Variants in DCC observed in about 807,000 individuals in gnomAD.
DCC encodes netrin receptor DCC.
A neutral mutation model predicts 172.5 loss-of-function variants in DCC; 58 were observed. The observed-to-expected ratio is 0.34, with a 90% CI of 0.27 to 0.42. DCC has a LOEUF of 0.42. DCC is among the 10% of genes least tolerant of loss of function. The pLI, the probability that DCC is intolerant of heterozygous loss-of-function variation, is 1.00. For missense variants in DCC, 1,740 were observed against 1,791.0 expected (o/e 0.97, Z 0.51); for synonymous variants, 709 against 644.5 (o/e 1.10, Z -1.52).
intron 2 of DCC, among the ~76,000 whole-genome samples, chr18:52,885,042 C>A (rs1181580557): frequency 3.9e-5 from 6 of 152,118 alleles, no homozygotes; most frequent in Non-Finnish European, 8.8e-5. Flanking sequence ...TCACCTGGAA[C>A]TGGGGTTGGG....
At chr18:53,215,358 G>GAA (rs142466329) in intron 11 of DCC, among the ~76,000 whole-genome samples, 190 bp from the exon 12 acceptor site, 23 of 148,658 alleles carry the variant, frequency 1.5e-4, no homozygotes, top group African/African-American at 2.7e-4. Flanking sequence ...AGCGAAATGA[G>GAA]AAAAAAAAAA....
intron 1 of DCC, among the ~76,000 whole-genome samples, chr18:52,370,630 T>C (rs1352543070): frequency 2.0e-5 from 3 of 152,110 alleles, no homozygotes; most frequent in Non-Finnish European, 4.4e-5. Flanking sequence ...ACCTAGATGA[T>C]GGGTTGATCT....
intron 12 of DCC, among the ~76,000 whole-genome samples, chr18:53,270,761 A>C (rs1447815614): frequency 1.3e-5 from 2 of 152,146 alleles, no homozygotes; most frequent in African/African-American, 4.8e-5. Context: ...TTAACTCTGC[A>C]GATTTATCCA....
At chr18:53,158,166 ATACT>A (rs2054776577) in intron 8 of DCC, among the ~76,000 whole-genome samples, 2 of 152,304 alleles carry the variant, frequency 1.3e-5, no homozygotes, top group East Asian at 3.9e-4. Context: ...TAAAAAAATA[ATACT>A]TACCTTGCAA....
chr18:52,377,845 T>C (rs1049443529), intron 1 of DCC, among the ~76,000 whole-genome samples: 4 of 151,900 alleles, frequency 2.6e-5, no homozygotes, highest in Non-Finnish European at 5.9e-5. Context: ...TTGCTGGGAT[T>C]ACATGCATGC....
chr18:52,733,538 G>A (rs1489346765), intron 1 of DCC, among the ~76,000 whole-genome samples: 2 of 151,908 alleles, frequency 1.3e-5, no homozygotes, highest in South Asian at 2.1e-4. Flanking sequence ...TCTGTTGCCC[G>A]AGCTGGAGTG....
chr18:53,163,148 C>A (rs2054868188), intron 8 of DCC, among the ~76,000 whole-genome samples: 1 of 152,168 alleles, frequency 6.6e-6, no homozygotes, highest in African/African-American at 2.4e-5. Context: ...ATGATTAAGA[C>A]TAGTTCTTAT....
chr18:52,774,097 G>A (rs919251158), intron 2 of DCC, among the ~76,000 whole-genome samples: 13 of 152,350 alleles, frequency 8.5e-5, no homozygotes, highest in South Asian at 2.1e-4. Context: ...AAACTGTGGC[G>A]TGGAGCCATG....
intron 2 of DCC, among the ~76,000 whole-genome samples, chr18:52,846,279 T>C (rs930662080): frequency 6.6e-6 from 1 of 152,032 alleles, no homozygotes; most frequent in African/African-American, 2.4e-5. Context: ...TGGTGGCACA[T>C]GCCTGTAATC....
At chr18:52,569,418 T>G (rs1732886594) in intron 1 of DCC, among the ~76,000 whole-genome samples, 1 of 152,206 alleles carries the variant, frequency 6.6e-6, no homozygotes, top group African/African-American at 2.4e-5. Context: ...ACATCTAAAG[T>G]GCTCAATAAA....
At chr18:53,181,330 T>TC in intron 9 of DCC, among the ~76,000 whole-genome samples, 1 of 151,926 alleles carries the variant, frequency 6.6e-6, no homozygotes, top group East Asian at 1.9e-4. Context: ...AGAATGAGCA[T>TC]TTTTTTTCCC....
intron 5 of DCC, among the ~76,000 whole-genome samples, chr18:52,985,286 A>G (rs2041274873): frequency 6.6e-6 from 1 of 152,036 alleles, no homozygotes; most frequent in South Asian, 2.1e-4. Context: ...ATTTGAAAAA[A>G]TGTTTGAGTC....
chr18:52,547,946 G>T (rs1171472003), intron 1 of DCC, among the ~76,000 whole-genome samples: 2 of 152,116 alleles, frequency 1.3e-5, no homozygotes, highest in Non-Finnish European at 2.9e-5. Context: ...TCATGGCTAT[G>T]TTCCAATAAA....
At chr18:52,549,331 T>G (rs1252474541) in intron 1 of DCC, among the ~76,000 whole-genome samples, 1 of 152,042 alleles carries the variant, frequency 6.6e-6, no homozygotes, top group Non-Finnish European at 1.5e-5. Context: ...CTAAATATTT[T>G]TCTCCCCTCT....
chr18:52,862,624 G>A (rs946749939), intron 2 of DCC, among the ~76,000 whole-genome samples: 81 of 152,104 alleles, frequency 5.3e-4, no homozygotes, highest in African/African-American at 1.9e-3. Flanking sequence ...CTTAAACCCA[G>A]GAGAGGGAGG....
At chr18:53,179,673 A>T (rs1443430652) in intron 9 of DCC, among the ~76,000 whole-genome samples, 1 of 152,144 alleles carries the variant, frequency 6.6e-6, no homozygotes, top group East Asian at 1.9e-4. Context: ...TTTTTTCACA[A>T]AGTAGAGCAG....
chr18:53,355,770 C>T (rs950812233), intron 15 of DCC, among the ~76,000 whole-genome samples: 1 of 152,118 alleles, frequency 6.6e-6, no homozygotes, highest in African/African-American at 2.4e-5. Flanking sequence ...ATTTCTTTCT[C>T]CTGCCTGGCA....
intron 2 of DCC, among the ~76,000 whole-genome samples, chr18:52,778,942 C>T (rs571489392): frequency 1.2e-4 from 19 of 152,264 alleles, no homozygotes; most frequent in Non-Finnish European, 2.1e-4. Context: ...CCACTGCTTT[C>T]CAGTGACTTA....
chr18:52,645,792 AC>A (rs1166499480), intron 1 of DCC, among the ~76,000 whole-genome samples: 1 of 152,240 alleles, frequency 6.6e-6, no homozygotes, highest in Admixed American at 6.5e-5. Context: ...AGGAAAACTT[AC>A]CTAAATTTAT....
Sources: allele counts gnomAD v4.1 joint callset (sites outside exome capture counted in the v4.1 genomes callset), GRCh38; gene constraint gnomAD v4.1.1; transcripts MANE v1.5; gene names NCBI Gene and HGNC (gene_info 2026-07-23, HGNC 2026-07-21).